The following PARP11 variants were observed in gnomAD, a reference collection of about 807,000 sequenced individuals.
PARP11 encodes the protein protein mono-ADP-ribosyltransferase PARP11.
Under a neutral mutation model 42.9 loss-of-function variants are expected in PARP11, and 31 were observed. The ratio of observed to expected loss-of-function variants is 0.72; its 90% confidence interval spans 0.54 to 0.98. The LOEUF (loss-of-function observed/expected upper bound fraction) is 0.98, where lower values mean the gene tolerates loss of function less well. Among genes scored for constraint, PARP11 ranks in the 50% least tolerant of loss-of-function variants. The pLI is 0.00. For synonymous variants in PARP11, 137 were observed against 127.3 expected (o/e 1.08, Z -0.51); for missense variants, 365 against 413.1 (o/e 0.88, Z 1.01).
intron 1 of PARP11, chr12:3,841,898 T>C (rs1462875914): frequency 4.4e-6 from 7 of 1,607,812 alleles, no homozygotes; most frequent in South Asian, 2.2e-5. Context: ...GTTTCCACAG[T>C]AGATGAGTTT....
intron 2 of PARP11, 30 bp from the exon 3 acceptor site, chr12:3,829,060 C>G (rs976779588): frequency 8.1e-6 from 13 of 1,612,090 alleles, no homozygotes; most frequent in Non-Finnish European, 1.1e-5. Context: ...GTTTCATTTA[C>G]CAGCTGTTCA....
At chr12:3,842,736 C>CT (rs1760236330) in intron 1 of PARP11, among the ~76,000 whole-genome samples, 2 of 152,274 alleles carry the variant, frequency 1.3e-5, no homozygotes, top group South Asian at 4.1e-4. Context: ...ATCTGTTTAT[C>CT]TATCAAGTGA....
At chr12:3,822,220 A>G in intron 4 of PARP11, 63 bp from the exon 5 acceptor site, 2 of 1,241,460 alleles carry the variant, frequency 1.6e-6, no homozygotes, top group South Asian at 1.3e-5. Flanking sequence ...TCAAGAACTT[A>G]GCCCTTCTTC....
intron 1 of PARP11, among the ~76,000 whole-genome samples, chr12:3,836,603 T>A (rs913902063): frequency 1.3e-5 from 2 of 152,198 alleles, no homozygotes; most frequent in Admixed American, 1.3e-4. Context: ...GATTTACAAG[T>A]AACTACATAA....
At chr12:3,864,237 T>G (rs1045598067) in intron 1 of PARP11, among the ~76,000 whole-genome samples, 2 of 152,240 alleles carry the variant, frequency 1.3e-5, no homozygotes, top group East Asian at 3.8e-4. Context: ...GTGAATTACA[T>G]TGATGGCTGT....
At chr12:3,846,873 C>T (rs557627035) in intron 1 of PARP11, among the ~76,000 whole-genome samples, 1 of 152,058 alleles carries the variant, frequency 6.6e-6, no homozygotes, top group East Asian at 1.9e-4. Flanking sequence ...TCATTTATGG[C>T]CAGGAGTTCA....
rs761201225 is a variant in PARP11 at position 3,812,217 on chromosome 12, T to C, written c.923A>G (p.Tyr308Cys). The change falls in exon 8 of 8, where the codon TAT (tyrosine) becomes TGT (cysteine). Residue 308 changes from tyrosine to cysteine, a missense_variant. Coordinates refer to ENST00000228820, the MANE Select transcript of PARP11 (RefSeq NM_020367.6). ...PSKDGSYVNL[Y>C]DSCVDDTWNP... is the part of the protein sequence containing the mutation. ...CCAGGTATCATCCACACAGCTGTCA[T>C]ATAAATTCACATAGCTCCCGTCTTT... The C allele has an allele frequency of 3.1e-6, 5 of 1,614,064 alleles. No individual in the cohort carries two copies. In the South Asian group the frequency reaches 5.5e-5, roughly 18 times the overall value.
intron 1 of PARP11, among the ~76,000 whole-genome samples, chr12:3,846,609 T>G (rs1017901196): frequency 4.0e-5 from 6 of 151,512 alleles, no homozygotes; most frequent in African/African-American, 1.5e-4. Flanking sequence ...ACAAAAAAAT[T>G]AGCCAGGTGT....
intron 1 of PARP11, among the ~76,000 whole-genome samples, chr12:3,854,027 A>G (rs143777975): frequency 0.01 from 1,551 of 152,276 alleles, 18 homozygotes; most frequent in African/African-American, 0.034. Flanking sequence ...ATCTGCTCCT[A>G]AATGACTACT....
intron 4 of PARP11, among the ~76,000 whole-genome samples, chr12:3,823,973 C>T (rs1947462343): frequency 6.6e-6 from 1 of 151,482 alleles, no homozygotes; most frequent in African/African-American, 2.4e-5. Flanking sequence ...GTTACATGTC[C>T]ACTTGTTTAT....
chr12:3,841,911 A>G (rs761427596), intron 1 of PARP11: 67 of 1,607,982 alleles, frequency 4.2e-5, no homozygotes, highest in Non-Finnish European at 5.4e-5. Context: ...ATGAGTTTCC[A>G]GCAGCCAGGA....
rs971973061 is a variant in PARP11 at position 3,872,522 on chromosome 12, C to G, written c.18+690G>C. 3.0e-6 allele frequency: 3 copies of G among 985,092 alleles called. No individual in the cohort carries two copies. In the African/African-American group the frequency reaches 5.2e-5, roughly 17 times the overall value. 61.0% of individuals were successfully genotyped at this position (985,092 alleles called of 1,614,324 possible). Reference sequence around the variant, plus strand: ...TCATAATGAAAATACCAGAGTCAGCCAAGGAAGAAGGCAGACTTGCAGTTG... The same window carrying G: ...TCATAATGAAAATACCAGAGTCAGCGAAGGAAGAAGGCAGACTTGCAGTTG... On this transcript the variant is annotated intron_variant, in intron 1 of 7. Transcript: ENST00000228820.
chr12:3,817,936 C>A (rs919366650), intron 6 of PARP11, among the ~76,000 whole-genome samples: 1 of 152,106 alleles, frequency 6.6e-6, no homozygotes, highest in Non-Finnish European at 1.5e-5. Context: ...ATTCCACTGG[C>A]GATTCTGACC....
intron 6 of PARP11, among the ~76,000 whole-genome samples, chr12:3,817,752 G>C (rs1193760179): frequency 6.6e-6 from 1 of 152,222 alleles, no homozygotes; most frequent in East Asian, 1.9e-4. Context: ...CTGCACTGGA[G>C]CAAGAATACT....
intron 4 of PARP11, among the ~76,000 whole-genome samples, chr12:3,825,109 C>T (rs934011919): frequency 3.4e-5 from 5 of 146,646 alleles, no homozygotes; most frequent in Non-Finnish European, 7.5e-5. Context: ...AACATGCTAC[C>T]TTTTTTTTTT....
At chr12:3,841,074 T>C (rs1947878857) in intron 1 of PARP11, 1 of 1,607,640 alleles carries the variant, frequency 6.2e-7, no homozygotes, top group Non-Finnish European at 8.5e-7. Flanking sequence ...CCCAAACTCA[T>C]TTAACACCCT....
chr12:3,872,009 G>A (rs1430348389), intron 1 of PARP11: 1 of 152,070 alleles, frequency 6.6e-6, no homozygotes, highest in Non-Finnish European at 1.5e-5. Flanking sequence ...ATAAAAACTG[G>A]AACTATTAAG....
chr12:3,873,318 C>CG lies in PARP11; in HGVS notation c.-90_-89insC. 4 of 1,290,738 alleles carry CG rather than the reference C, an allele frequency of 3.1e-6. No homozygotes were observed. The highest frequency in any genetic ancestry group is 4.4e-6 in the Non-Finnish European group (4 of 909,804). 80.0% of individuals were successfully genotyped at this position (1,290,738 alleles called of 1,614,324 possible). A position where few individuals can be genotyped will look rare whatever the true frequency, so the allele number is the denominator to read the frequency against. ...GGATTTTTTTTTTTCCCGCGGGTCC[C>CG]CGGGAGCGAAGGGACGGAGATGCAA... is the stretch of plus-strand genomic sequence containing the variant. On this transcript the variant is annotated 5_prime_UTR_variant, in exon 1 of 8. Transcript: ENST00000228820.
chr12:3,832,173 G>A (rs3809253), intron 1 of PARP11: 135,412 of 947,050 alleles, frequency 0.14, 12,179 homozygotes, highest in African/African-American at 0.36. Context: ...TCCTTTCAGA[G>A]CTTTCTGTTA....
Sources: allele counts gnomAD v4.1 joint callset (sites outside exome capture counted in the v4.1 genomes callset), GRCh38; gene constraint gnomAD v4.1.1; transcripts MANE v1.5; gene names NCBI Gene and HGNC (gene_info 2026-07-23, HGNC 2026-07-21).